DYNC1H1: variants seen among roughly 807,000 people sequenced by gnomAD.
The protein encoded by DYNC1H1 is cytoplasmic dynein 1 heavy chain 1.
In DYNC1H1, 51 loss-of-function variants were observed where a neutral mutation model predicts 527.1. That is an observed-to-expected ratio of 0.10 (90% CI 0.08 to 0.12). The LOEUF is 0.12. DYNC1H1 is among the 10% of genes least tolerant of loss of function. The probability of loss-of-function intolerance (pLI) is 1.00; values close to 1 mark genes in which losing one functional copy is unlikely to be tolerated. For synonymous variants in DYNC1H1, 2,189 were observed against 2,278.8 expected, an observed-to-expected ratio of 0.96 and a Z score of 1.12; for missense variants, 2,771 against 5,971.8, an observed-to-expected ratio of 0.46 and a Z score of 17.66.
chr14:102,003,355 A>G lies in DYNC1H1; in HGVS notation c.4883+390A>G, dbSNP rs144769528. ...CGGCTCACTGCAACCTCCTCCTCCC[A>G]GGTTCAAGTGATTCTCTTTCCTCAG... is the stretch of plus-strand genomic sequence containing the variant. On this transcript the variant is annotated intron_variant, in intron 23 of 77. Transcript: ENST00000360184. 5.6e-3 allele frequency among the ~76,000 whole-genome samples: 836 copies of G among 149,676 alleles called. 17 individuals are homozygous for G. The highest frequency in any genetic ancestry group is 0.038 in the East Asian group (190 of 5,052).
chr14:102,030,391 TG>T, intron 51 of DYNC1H1, 109 bp downstream of exon 51: 1 of 1,551,854 alleles, frequency 6.4e-7, no homozygotes, highest in Non-Finnish European at 8.8e-7. Flanking sequence ...TCAAAGGTTC[TG>T]GTTTCCAAAA....
chr14:102,022,374 C>G lies in DYNC1H1; in HGVS notation c.8508-377C>G, dbSNP rs1337606238. ...AAAAAAAATTAGCCAGCCTTGGTGGCGGGCGCCTGTAGTCCCAGCTACTCA... is the reference window on the plus strand; with the variant it reads ...AAAAAAAATTAGCCAGCCTTGGTGGGGGGCGCCTGTAGTCCCAGCTACTCA... On this transcript the variant is annotated intron_variant, in intron 42 of 77. Transcript: ENST00000360184. Among the ~76,000 whole-genome samples the G allele has an allele frequency of 2.6e-5, 4 of 151,658 alleles. No individual in the cohort carries two copies. The East Asian group carries it at 7.8e-4, about 29-fold the overall frequency.
Position 102,051,173 on chromosome 14 carries a change from C to T in DYNC1H1, c.*610C>T, listed in dbSNP as rs1330351671. 5.7e-6 allele frequency: 1 copy of T among 174,954 alleles called. No individual in the cohort carries two copies. The highest frequency in any genetic ancestry group is 1.2e-5 in the Non-Finnish European group (1 of 81,926). The allele number at this position is 174,954 out of a possible 1,614,324, so 10.8% of individuals were successfully genotyped here. A position where few individuals can be genotyped will look rare whatever the true frequency, so the allele number is the denominator to read the frequency against. ...TTGAGGGCTGAGGTGGGAGGATCACCCAAGCCCAAGAGGTCGAGGCTGCAG... is the reference window on the plus strand; with the variant it reads ...TTGAGGGCTGAGGTGGGAGGATCACTCAAGCCCAAGAGGTCGAGGCTGCAG... On this transcript the variant is annotated 3_prime_UTR_variant, in exon 78 of 78. Transcript: ENST00000360184.
chr14:102,011,779 T>G lies in DYNC1H1; in HGVS notation c.6619-96T>G. 1.5e-6 allele frequency: 2 copies of G among 1,318,922 alleles called. No individual in the cohort carries two copies. The highest frequency in any genetic ancestry group is 1.8e-5 in the Admixed American group (1 of 56,676). 81.7% of individuals were successfully genotyped at this position (1,318,922 alleles called of 1,614,324 possible). A position where few individuals can be genotyped will look rare whatever the true frequency, so the allele number is the denominator to read the frequency against. On this transcript the variant is annotated intron_variant, in intron 32 of 77. Transcript: ENST00000360184. The surrounding 1 kb of genome is among the most constrained non-coding windows in gnomAD (Gnocchi z 5.3). ...GAAAAAAAAAAAAATCCACACATAATGTTTCTTGCTCACTTTCACAAGAGG... is the reference window on the plus strand; with the variant it reads ...GAAAAAAAAAAAAATCCACACATAAGGTTTCTTGCTCACTTTCACAAGAGG...
In DYNC1H1 at chr14:102,039,877, G is replaced by A. The variant is rs2048625041; in HGVS notation, c.11690+145G>A. On this transcript the variant is annotated intron_variant, in intron 62 of 77. Transcript: ENST00000360184. The surrounding 1 kb of genome is among the most constrained non-coding windows in gnomAD (Gnocchi z 7.0). ...TTTTGAGACGGAGTCTCCCTTTGTT[G>A]CCTAGGCTGGAGTGCCGTGGTGTAA... The A allele has an allele frequency of 2.7e-6, 3 of 1,126,800 alleles. No homozygotes were observed. The highest frequency in any genetic ancestry group is 3.8e-6 in the Non-Finnish European group (3 of 787,320). 69.8% of individuals were successfully genotyped at this position (1,126,800 alleles called of 1,614,324 possible).
At position 101,986,712 on chromosome 14, in the gene DYNC1H1, T is replaced by C. The variant is rs1222196177; in HGVS notation, c.2487T>C (p.Leu829=). The C allele has an allele frequency of 7.4e-6, 12 of 1,614,188 alleles. No individual in the cohort carries two copies. In the Middle Eastern group the frequency reaches 6.6e-4, roughly 89 times the overall value. ...GIALVWESYK[L]DPYVQRLAET... ...CGTTGGTGTGGGAGTCCTACAAACT[T>C]GACCCATATGTACAGCGCTTAGCAG... The change falls in exon 8 of 78, where the codon CTT becomes CTC. Residue 829 remains leucine (L), a synonymous_variant. Coordinates refer to ENST00000360184, the MANE Select transcript of DYNC1H1 (RefSeq NM_001376.5). This position sits in a 1 kb window ranked among gnomAD's most constrained non-coding sequence, Gnocchi z 8.7.
chr14:102,043,807 G>T, intron 69 of DYNC1H1, 68 bp from the exon 70 acceptor site: 2 of 1,607,996 alleles, frequency 1.2e-6, no homozygotes, highest in Non-Finnish European at 8.5e-7. Context: ...GACTGACCTG[G>T]CATCTGCACT....
intron 5 of DYNC1H1, among the ~76,000 whole-genome samples, chr14:101,982,118 G>A (rs1035749870): frequency 6.6e-6 from 1 of 152,112 alleles, no homozygotes; most frequent in Admixed American, 6.5e-5. Flanking sequence ...TCATAGGGGC[G>A]CAAACCCTGT....
intron 52 of DYNC1H1, chr14:102,032,746 G>T (rs2048524002): frequency 1.8e-6 from 1 of 567,134 alleles, no homozygotes; most frequent in Non-Finnish European, 3.1e-6. Context: ...CTAGCTACTT[G>T]GGAGGCTGAG....
intron 1 of DYNC1H1, among the ~76,000 whole-genome samples, chr14:101,972,280 G>T (rs2141264488): frequency 6.6e-6 from 1 of 151,952 alleles, no homozygotes; most frequent in African/African-American, 2.4e-5. Context: ...TTTTGAAACA[G>T]TGTCCTAAAT....
chr14:101,998,306 C>T (rs2048088107), intron 16 of DYNC1H1, among the ~76,000 whole-genome samples: 1 of 149,716 alleles, frequency 6.7e-6, no homozygotes, highest in Non-Finnish European at 1.5e-5. Flanking sequence ...CTGGACCCCT[C>T]TCCCCTCTAT....
rs2047658335 is a variant in DYNC1H1, at chr14:101,965,630, T to G, written c.256+683T>G. On this transcript the variant is annotated intron_variant, in intron 1 of 77. Coordinates refer to ENST00000360184, the MANE Select transcript of DYNC1H1 (RefSeq NM_001376.5). The surrounding 1 kb of genome is among the most constrained non-coding windows in gnomAD (Gnocchi z 4.1). ...AACGGGTGTATCCTGATTTTACACC[T>G]GAGGAAACTGAGGCTCAGGTTAAGT... 6.6e-6 allele frequency among the ~76,000 whole-genome samples: 1 copy of G among 152,052 alleles called. No individual in the cohort carries two copies. The highest frequency in any genetic ancestry group is 2.4e-5 in the African/African-American group (1 of 41,420).
chr14:101,964,688 C>T lies in DYNC1H1; in HGVS notation c.-4C>T, dbSNP rs1450189456. On this transcript the variant is annotated 5_prime_UTR_variant, in exon 1 of 78. Coordinates refer to ENST00000360184, the MANE Select transcript of DYNC1H1 (RefSeq NM_001376.5). The surrounding 1 kb of genome is among the most constrained non-coding windows in gnomAD (Gnocchi z 5.5). ...CGCTCCTGGAAGGTCCCGAGCGCGA[C>T]ACCATGTCGGAGCCCGGGGGCGGCG... is the stretch of plus-strand genomic sequence containing the variant. 1.3e-6 allele frequency: 2 copies of T among 1,588,072 alleles called. No individual in the cohort carries two copies. Among genetic ancestry groups the T allele is most frequent in the Non-Finnish European group, 1.7e-6 (2 of 1,172,656 alleles).
Position 102,051,390 on chromosome 14 carries a change from CAGG to C in DYNC1H1, c.*830_*832del, listed in dbSNP as rs1201706103. On this transcript the variant is annotated 3_prime_UTR_variant, in exon 78 of 78. Coordinates refer to ENST00000360184, the MANE Select transcript of DYNC1H1 (RefSeq NM_001376.5). ...ATCCCAGCTACTCGGGAGGCTGAGG[CAGG>C]AGAATTGCTTGAACCTGGGAGGCGG... The C allele has an allele frequency of 6.6e-6, 1 of 151,838 alleles. No homozygotes were observed. Among genetic ancestry groups the C allele is most frequent in the African/African-American group, 2.4e-5 (1 of 41,234 alleles). 9.4% of individuals were successfully genotyped at this position (151,838 alleles called of 1,614,324 possible).
chr14:102,010,078 G>T lies in DYNC1H1; in HGVS notation c.6213G>T (p.Pro2071=), dbSNP rs367868632. 6.2e-7 allele frequency: 1 copy of T among 1,613,372 alleles called. No homozygotes were observed. The highest frequency in any genetic ancestry group is 1.3e-5 in the African/African-American group (1 of 74,898). ...TAEVLANKIV[P]FFKLCDEQLS... is the part of the protein sequence containing the mutation. The stretch of plus-strand genomic sequence containing the variant: ...AAGTGCTTGCCAACAAAATCGTCCC[G>T]TTTTTTAAGTAAGTAGCCTAGAATT... Residue 2071 remains proline, a synonymous_variant, in exon 30 of 78, where the codon CCG becomes CCT. Coordinates refer to ENST00000360184, the MANE Select transcript of DYNC1H1 (RefSeq NM_001376.5). The surrounding 1 kb of genome is among the most constrained non-coding windows in gnomAD (Gnocchi z 6.0).
rs764472618 is a variant in DYNC1H1 at position 101,986,393 on chromosome 14, C to T, written c.2168C>T (p.Thr723Ile). The change falls in exon 8 of 78, where the codon ACT becomes ATT. Residue 723 changes from threonine (T) to isoleucine (I), a missense_variant. Transcript: ENST00000360184. The surrounding 1 kb of genome is among the most constrained non-coding windows in gnomAD (Gnocchi z 8.7). Reference sequence around the variant, plus strand: ...GGGCGCATTTTCACCATCGAAAGTACTCGGGTTCGGGGCCGAACTGGAAAT... The same window carrying T: ...GGGCGCATTTTCACCATCGAAAGTATTCGGGTTCGGGGCCGAACTGGAAAT... The part of the protein sequence containing the change: ...VSGRIFTIES[T>I]RVRGRTGNVL... 1 of 1,614,112 alleles carries T rather than the reference C, an allele frequency of 6.2e-7. No homozygotes were observed. The highest frequency in any genetic ancestry group is 8.5e-7 in the Non-Finnish European group (1 of 1,180,014).
chr14:101,995,344 G>T, intron 15 of DYNC1H1, 44 bp downstream of exon 15: 1 of 1,611,454 alleles, frequency 6.2e-7, no homozygotes, highest in South Asian at 1.1e-5. Context: ...GGGCGTGGTG[G>T]CTCACGCCTG....
At chr14:101,984,401 ATGTGTGTGTGTGTGTG>A (rs34162363) in intron 7 of DYNC1H1, among the ~76,000 whole-genome samples, 3 of 102,454 alleles carry the variant, frequency 2.9e-5, no homozygotes, top group Admixed American at 1.2e-4. Context: ...ATGCGTATAT[ATGTGTGTGTGTGTGTG>A]TGTGTGTGTG....
At chr14:101,988,333 T>C (rs1209780842) in intron 9 of DYNC1H1, among the ~76,000 whole-genome samples, 1 of 152,190 alleles carries the variant, frequency 6.6e-6, no homozygotes, top group East Asian at 1.9e-4. Flanking sequence ...CGTATCCCCG[T>C]AGACAAGTGG....
Sources: gnomAD v4.1 joint callset for allele counts (sites outside exome capture counted in the v4.1 genomes callset) on GRCh38, gnomAD v4.1.1 for gene constraint, Gnocchi (gnomAD v3.1) non-coding constraint, MANE v1.5 for transcripts, NCBI Gene and HGNC (gene_info 2026-07-23, HGNC 2026-07-21) for gene names.